The following NCLN variants were observed in gnomAD, a reference collection of about 807,000 sequenced individuals.
NCLN encodes nicalin, also known as BOS complex subunit NCLN.
NCLN carries 34 observed loss-of-function variants against 69.5 expected under a neutral mutation model. The ratio of observed to expected loss-of-function variants is 0.49; its 90% CI spans 0.37 to 0.65. NCLN has a LOEUF of 0.65. Among genes scored for constraint, NCLN ranks in the 30% least tolerant of loss-of-function variants. NCLN has a pLI of 0.00. For synonymous variants in NCLN, 393 were observed against 358.3 expected (o/e 1.10, Z -1.09); for missense variants, 710 against 804.8 (o/e 0.88, Z 1.42).
rs1317367486 is a variant in NCLN, at chr19:3,207,659, A to G, written c.1663A>G (p.Arg555Gly). 2 of 1,612,808 alleles carry G rather than the reference A, an allele frequency of 1.2e-6. No homozygotes were observed. Among genetic ancestry groups the G allele is most frequent in the South Asian group, 2.2e-5 (2 of 91,082 alleles). Residue 555 changes from arginine to glycine, a missense_variant, in exon 15 of 15, where the codon AGG becomes GGG. Coordinates refer to ENST00000246117, the MANE Select transcript of NCLN (RefSeq NM_020170.4). ...HFSLLYKTVQ[R>G]LLVKAKTQ ...CAGCCTCCTCTACAAGACCGTCCAGAGGCTGCTCGTGAAGGCCAAGACACA... is the reference window on the plus strand; with the variant it reads ...CAGCCTCCTCTACAAGACCGTCCAGGGGCTGCTCGTGAAGGCCAAGACACA...
intron 5 of NCLN, 81 bp from the exon 6 acceptor site, chr19:3,201,442 C>A: frequency 1.0e-6 from 1 of 961,606 alleles, no homozygotes; most frequent in South Asian, 1.5e-5. Flanking sequence ...GGAGAGATGA[C>A]TGTGGCTGCT....
chr19:3,204,284 G>C, intron 8 of NCLN, 140 bp downstream of exon 8: 2 of 1,135,188 alleles, frequency 1.8e-6, no homozygotes, highest in Non-Finnish European at 2.4e-6. Context: ...GTCGGGCTGG[G>C]GTGTTCTGTC....
In NCLN at chr19:3,207,664, G is replaced by A; in HGVS notation, c.1668G>A (p.Leu556=). 2 of 1,612,824 alleles carry A rather than the reference G, an allele frequency of 1.2e-6. No individual in the cohort carries two copies. Among genetic ancestry groups the A allele is most frequent in the Non-Finnish European group, 1.7e-6 (2 of 1,179,856 alleles). The change falls in exon 15 of 15, where the codon CTG becomes CTA. Residue 556 remains leucine, a synonymous_variant. Coordinates refer to ENST00000246117, the MANE Select transcript of NCLN (RefSeq NM_020170.4). ...TCCTCTACAAGACCGTCCAGAGGCT[G>A]CTCGTGAAGGCCAAGACACAGTGAC... ...FSLLYKTVQR[L]LVKAKTQ is the part of the protein sequence containing the mutation.
intron 6 of NCLN, 133 bp downstream of exon 6, chr19:3,201,759 G>A: frequency 4.1e-6 from 3 of 733,798 alleles, no homozygotes; most frequent in Non-Finnish European, 6.5e-6. Context: ...CAGGAATTGG[G>A]GCGCCTTATT....
In NCLN at chr19:3,193,384, C is replaced by T. The variant is rs1212435602; in HGVS notation, c.476C>T (p.Thr159Ile). The T allele has an allele frequency of 1.2e-6, 2 of 1,611,326 alleles. No homozygotes were observed. Among genetic ancestry groups the T allele is most frequent in the Non-Finnish European group, 1.7e-6 (2 of 1,179,870 alleles). Residue 159 changes from threonine to isoleucine, a missense_variant, in exon 3 of 15, where the codon ACC becomes ATC. Physicochemically the swap from Thr to Ile is moderately conservative, Grantham distance 89. Transcript: ENST00000246117. ...DEALLSIYKQ[T>I]QAASASQGSA... ...GCCCTGCTGTCTATCTACAAGCAGA[C>T]CCAGGCTGCCTCCGCCTCCCAGGGC...
At chr19:3,190,347 G>A (rs577083756) in intron 1 of NCLN, among the ~76,000 whole-genome samples, 150 of 152,172 alleles carry the variant, frequency 9.9e-4, no homozygotes, top group Non-Finnish European at 1.8e-3. Context: ...CTCAGAGCTG[G>A]TTCTCTGTGC....
intron 3 of NCLN, among the ~76,000 whole-genome samples, chr19:3,195,964 C>G (rs1915944672): frequency 6.6e-6 from 1 of 152,170 alleles, no homozygotes; most frequent in African/African-American, 2.4e-5. Context: ...GAGAAATTCC[C>G]CAGCAGAACG....
rs151064977 is a variant in NCLN at position 3,199,407 on chromosome 19, G to C, written c.696+510G>C. On this transcript the variant is annotated intron_variant, in intron 5 of 14. Coordinates refer to ENST00000246117, the MANE Select transcript of NCLN (RefSeq NM_020170.4). ...CACTGTCACCAGCGAGACTTCCAGA[G>C]ACCCAGCGCCCGGTTCCTATGGGAG... is the stretch of plus-strand genomic sequence containing the variant. Among the ~76,000 whole-genome samples the C allele has an allele frequency of 4.3e-3, 650 of 152,366 alleles. 2 individuals are homozygous for C. The highest frequency in any genetic ancestry group is 0.015 in the African/African-American group (628 of 41,588).
At chr19:3,192,297 GTTA>G (rs1568310299) in intron 1 of NCLN, among the ~76,000 whole-genome samples, 170 bp from the exon 2 acceptor site, 1 of 151,856 alleles carries the variant, frequency 6.6e-6, no homozygotes, top group African/African-American at 2.4e-5. Flanking sequence ...CCTGTGACCC[GTTA>G]TGTCGGGGGC....
At chr19:3,198,522 A>AC (rs1916033148) in intron 4 of NCLN, among the ~76,000 whole-genome samples, 2 of 150,624 alleles carry the variant, frequency 1.3e-5, no homozygotes, top group African/African-American at 4.9e-5. Context: ...AAAAAAAAAA[A>AC]ACACAAACAA....
chr19:3,195,128 G>T (rs1159410598), intron 3 of NCLN, among the ~76,000 whole-genome samples: 1 of 151,170 alleles, frequency 6.6e-6, no homozygotes. Flanking sequence ...GTTGCAGTGA[G>T]CTGAGATCTT....
chr19:3,193,440 G>C lies in NCLN; in HGVS notation c.520+12G>C. The C allele has an allele frequency of 1.3e-6, 2 of 1,591,360 alleles. No homozygotes were observed. The highest frequency in any genetic ancestry group is 1.7e-6 in the Non-Finnish European group (2 of 1,172,086). Reference sequence around the variant, plus strand: ...CTCTGCTGCTGAAGGTGTGCTCTGGGCTGCAGGGACGGGGCCCGTGGGCGT... The same window carrying C: ...CTCTGCTGCTGAAGGTGTGCTCTGGCCTGCAGGGACGGGGCCCGTGGGCGT... On this transcript the variant is annotated intron_variant, in intron 3 of 14. Coordinates refer to ENST00000246117, the MANE Select transcript of NCLN (RefSeq NM_020170.4).
At chr19:3,201,325 C>T (rs311624) in intron 5 of NCLN, among the ~76,000 whole-genome samples, 198 bp from the exon 6 acceptor site, 36,126 of 152,120 alleles carry the variant, frequency 0.24, 4,417 homozygotes, top group East Asian at 0.4. Flanking sequence ...AGGGGAGCGA[C>T]CACAGCTGCC....
Position 3,208,893 on chromosome 19 carries a change from C to CGTGT in NCLN, c.*1213_*1216dup, listed in dbSNP as rs1054259900. Reference sequence around the variant, plus strand: ...ACCCTCCACCCCGCAGACCAGGCGTCGTGTGTGTGTGGGAGAGAAGGAGGC... The same window carrying CGTGT: ...ACCCTCCACCCCGCAGACCAGGCGTCGTGTGTGTGTGTGTGGGAGAGAAGGAGGC... On this transcript the variant is annotated 3_prime_UTR_variant, in exon 15 of 15. Transcript: ENST00000246117. The CGTGT allele has an allele frequency of 1.3e-5, 2 of 152,374 alleles. No individual in the cohort carries two copies. Among genetic ancestry groups the CGTGT allele is most frequent in the East Asian group, 1.9e-4 (1 of 5,178 alleles). The allele number at this position is 152,374 out of a possible 1,614,324, so 9.4% of individuals were successfully genotyped here. A position where few individuals can be genotyped will look rare whatever the true frequency, so the allele number is the denominator to read the frequency against.
At chr19:3,196,898 A>G (rs1016386117) in intron 4 of NCLN, among the ~76,000 whole-genome samples, 1 of 152,220 alleles carries the variant, frequency 6.6e-6, no homozygotes, top group Non-Finnish European at 1.5e-5. Context: ...AGATGAGTCC[A>G]CACAGATGAG....
chr19:3,187,883 G>A (rs955038265), intron 1 of NCLN, among the ~76,000 whole-genome samples: 1 of 152,216 alleles, frequency 6.6e-6, no homozygotes, highest in East Asian at 1.9e-4. Context: ...GGATTTTCCC[G>A]GGGGAAGGGT....
chr19:3,192,597 G>C lies in NCLN; in HGVS notation c.312G>C (p.Ser104=), dbSNP rs747535929. The C allele has an allele frequency of 6.2e-7, 1 of 1,604,632 alleles. No homozygotes were observed. Among genetic ancestry groups the C allele is most frequent in the Admixed American group, 1.7e-5 (1 of 59,388 alleles). ...AGTACCAGAAGGCCCTGCGGCAGTC[G>C]GCGGGCGCCGTGGTCATCATCCTGC... ...YEQYQKALRQ[S]AGAVVIILPR... is the part of the protein sequence containing the mutation. The change falls in exon 2 of 15, where the codon TCG becomes TCC. Residue 104 remains serine, a synonymous_variant. Coordinates refer to ENST00000246117, the MANE Select transcript of NCLN (RefSeq NM_020170.4).
chr19:3,207,345 C>T (rs749749503), intron 13 of NCLN, 46 bp from the exon 14 acceptor site: 7 of 1,612,392 alleles, frequency 4.3e-6, no homozygotes, highest in East Asian at 2.2e-5. Context: ...GTTCATGTTA[C>T]TGCCGCGCAC....
At chr19:3,199,118 C>T (rs774567130) in intron 5 of NCLN, among the ~76,000 whole-genome samples, 5 of 152,196 alleles carry the variant, frequency 3.3e-5, no homozygotes, top group South Asian at 2.1e-4. Flanking sequence ...TTCCAGGGCA[C>T]GGCGGTGTCT....
Sources: allele counts gnomAD v4.1 joint callset (sites outside exome capture counted in the v4.1 genomes callset), GRCh38; gene constraint gnomAD v4.1.1; transcripts MANE v1.5; gene names NCBI Gene and HGNC (gene_info 2026-07-23, HGNC 2026-07-21).